MNAT1: variants seen among roughly 807,000 people sequenced by gnomAD.
MNAT1 encodes the protein MNAT1 component of CDK activating kinase, also known as CDK-activating kinase assembly factor MAT1.
MNAT1 carries 43 observed loss-of-function variants against 42.0 expected under a neutral mutation model. That is an observed-to-expected ratio of 1.02 (90% CI 0.80 to 1.32). MNAT1 has a LOEUF of 1.32. MNAT1 is among the 40% of genes most tolerant of loss of function. The pLI is 0.00. For missense variants in MNAT1, 306 were observed against 350.4 expected (o/e 0.87, Z 1.01); for synonymous variants, 118 against 120.0 (o/e 0.98, Z 0.11).
chr14:60,756,557 G>A (rs978785902), intron 1 of MNAT1, among the ~76,000 whole-genome samples: 1 of 152,146 alleles, frequency 6.6e-6, no homozygotes, highest in Admixed American at 6.5e-5. Flanking sequence ...TAACAGTTAA[G>A]CTGGAGGATG....
At chr14:60,878,032 A>T (rs537407533) in intron 6 of MNAT1, among the ~76,000 whole-genome samples, 31 of 152,212 alleles carry the variant, frequency 2.0e-4, no homozygotes, top group Admixed American at 2.6e-4. Context: ...GAATAATTTT[A>T]TTAGCTTTCT....
At chr14:60,946,457 C>T (rs970426167) in intron 7 of MNAT1, among the ~76,000 whole-genome samples, 2 of 152,112 alleles carry the variant, frequency 1.3e-5, no homozygotes, top group African/African-American at 4.8e-5. Flanking sequence ...ACCCTTCTAT[C>T]GAACCATTCT....
At chr14:60,933,278 T>A (rs1252453693) in intron 7 of MNAT1, among the ~76,000 whole-genome samples, 1 of 152,092 alleles carries the variant, frequency 6.6e-6, no homozygotes, top group Non-Finnish European at 1.5e-5. Context: ...TTTGATCAAT[T>A]AGGCATATCG....
intron 6 of MNAT1, among the ~76,000 whole-genome samples, chr14:60,826,048 A>G (rs1025892064): frequency 2.0e-5 from 3 of 152,242 alleles, no homozygotes; most frequent in African/African-American, 7.2e-5. Flanking sequence ...CAAAATGGGC[A>G]TAAAATAATG....
intron 1 of MNAT1, among the ~76,000 whole-genome samples, chr14:60,768,169 G>C (rs1463478327): frequency 6.6e-6 from 1 of 152,150 alleles, no homozygotes; most frequent in Non-Finnish European, 1.5e-5. Context: ...CCAAAGTGCT[G>C]GGTTTATAGG....
chr14:60,918,735 A>AAT (rs140364759), intron 7 of MNAT1, among the ~76,000 whole-genome samples: 1,148 of 18,428 alleles, frequency 0.062, 21 homozygotes, highest in African/African-American at 0.072. Flanking sequence ...TCCAGATGAG[A>AAT]ATATATATAT....
At chr14:60,967,729 ATTC>A (rs2036707686) in intron 7 of MNAT1, among the ~76,000 whole-genome samples, 1 of 152,230 alleles carries the variant, frequency 6.6e-6, no homozygotes, top group Admixed American at 6.5e-5. Context: ...GAGACAATAT[ATTC>A]TTGGAATATT....
intron 7 of MNAT1, among the ~76,000 whole-genome samples, chr14:60,966,149 C>T (rs1047116457): frequency 3.3e-5 from 5 of 150,708 alleles, no homozygotes; most frequent in Admixed American, 6.6e-5. Flanking sequence ...TTTTTTTAAA[C>T]AGGGTCTCAC....
At chr14:60,852,819 T>G (rs1038700195) in intron 6 of MNAT1, among the ~76,000 whole-genome samples, 3 of 152,232 alleles carry the variant, frequency 2.0e-5, no homozygotes, top group African/African-American at 7.2e-5. Flanking sequence ...TCCCCATTTC[T>G]TGTTTTTGTC....
chr14:60,773,334 T>TACATTCATTCATTGAATG (rs1249302517), intron 1 of MNAT1, among the ~76,000 whole-genome samples: 1 of 152,186 alleles, frequency 6.6e-6, no homozygotes, highest in East Asian at 1.9e-4. Context: ...AGTATTTTAC[T>TACATTCATTCATTGAATG]AAGGTGTTAC....
intron 7 of MNAT1, among the ~76,000 whole-genome samples, chr14:60,892,775 A>G (rs1190105831): frequency 6.6e-6 from 1 of 151,942 alleles, no homozygotes; most frequent in Non-Finnish European, 1.5e-5. Flanking sequence ...TTTTGTCATT[A>G]TGATGATTAC....
intron 7 of MNAT1, among the ~76,000 whole-genome samples, chr14:60,896,261 A>T (rs555743956): frequency 6.6e-6 from 1 of 152,290 alleles, no homozygotes; most frequent in Non-Finnish European, 1.5e-5. Context: ...CAGTGGGAAA[A>T]CTTAACTGCT....
intron 6 of MNAT1, among the ~76,000 whole-genome samples, chr14:60,867,227 G>T (rs1158126578): frequency 6.6e-6 from 1 of 152,088 alleles, no homozygotes; most frequent in African/African-American, 2.4e-5. Context: ...TATTTGAGTA[G>T]AACTGAACGT....
chr14:60,737,604 A>G (rs918732901), intron 1 of MNAT1, among the ~76,000 whole-genome samples: 2 of 152,136 alleles, frequency 1.3e-5, no homozygotes, highest in Admixed American at 1.3e-4. Flanking sequence ...ATATGTACAT[A>G]TATGTCTTTG....
At chr14:60,937,040 G>A (rs553699247) in intron 7 of MNAT1, among the ~76,000 whole-genome samples, 223 of 151,372 alleles carry the variant, frequency 1.5e-3, no homozygotes, top group African/African-American at 4.9e-3. Flanking sequence ...AGAAGTGTGT[G>A]TTCATATCCT....
intron 6 of MNAT1, among the ~76,000 whole-genome samples, chr14:60,853,030 C>T (rs758895664): frequency 2.7e-4 from 41 of 152,098 alleles, no homozygotes; most frequent in Non-Finnish European, 1.0e-4. Context: ...GCTATACAGG[C>T]TCTTTTTTGG....
intron 3 of MNAT1, among the ~76,000 whole-genome samples, chr14:60,799,848 G>A (rs554797190): frequency 5.3e-5 from 8 of 152,130 alleles, no homozygotes; most frequent in African/African-American, 1.7e-4. Context: ...GATATTGGGG[G>A]TATACAACAT....
intron 1 of MNAT1, among the ~76,000 whole-genome samples, chr14:60,765,753 A>G (rs2030789218): frequency 1.3e-5 from 2 of 152,296 alleles, no homozygotes; most frequent in South Asian, 4.1e-4. Context: ...TAAAAATCTT[A>G]TACCTCTAGG....
chr14:60,834,470 G>T (rs1430531532), intron 6 of MNAT1, among the ~76,000 whole-genome samples: 2 of 152,176 alleles, frequency 1.3e-5, no homozygotes, highest in African/African-American at 4.8e-5. Flanking sequence ...TGGCAGTTTT[G>T]AGTGAGTTTC....
Sources: allele counts gnomAD v4.1 joint callset (sites outside exome capture counted in the v4.1 genomes callset), GRCh38; gene constraint gnomAD v4.1.1; transcripts MANE v1.5; gene names NCBI Gene and HGNC (gene_info 2026-07-23, HGNC 2026-07-21).